The following CCNA1 variants were observed in gnomAD, a reference collection of about 807,000 sequenced individuals.
CCNA1 encodes the protein cyclin A1, also known as cyclin-A1.
In CCNA1, 23 loss-of-function variants were observed where a neutral mutation model predicts 54.1. That is an observed-to-expected ratio of 0.42 (90% CI 0.31 to 0.60). The LOEUF (loss-of-function observed/expected upper bound fraction) is 0.60. CCNA1 is among the 20% of genes least tolerant of loss of function. CCNA1 has a pLI of 0.14. For synonymous variants in CCNA1, 208 were observed against 213.9 expected (o/e 0.97, Z 0.24); for missense variants, 450 against 556.7 (o/e 0.81, Z 1.93).
chr13:36,435,443 T>C (rs2055791602), intron 2 of CCNA1, among the ~76,000 whole-genome samples: 1 of 152,252 alleles, frequency 6.6e-6, no homozygotes, highest in Non-Finnish European at 1.5e-5. Flanking sequence ...ACTCAATTCA[T>C]AGTCTTTTCC....
Position 36,433,225 on chromosome 13 carries a change from A to G in CCNA1, c.297+4A>G, listed in dbSNP as rs1566169223. ...GTACAGGAGGACCTGTGGCCAGGTA[A>G]TGACTCAGACGCATTGAGAATGATG... is the stretch of plus-strand genomic sequence containing the variant. On this transcript the variant is annotated splice_donor_region_variant and intron_variant, in intron 2 of 8. Transcript: ENST00000255465. 1.2e-6 allele frequency: 2 copies of G among 1,608,742 alleles called. No homozygotes were observed. Among genetic ancestry groups the G allele is most frequent in the Non-Finnish European group, 1.7e-6 (2 of 1,177,390 alleles).
chr13:36,432,903 A>C (rs4245378), intron 1 of CCNA1, 130 bp from the exon 2 acceptor site: 10 of 1,013,852 alleles, frequency 9.9e-6, no homozygotes, highest in Non-Finnish European at 1.5e-5. Context: ...CCCAATAATT[A>C]CTGGGAAGAT....
In CCNA1 at chr13:36,432,654, T is replaced by G. The variant is rs1461851863; in HGVS notation, c.33T>G (p.Pro11=). 1.9e-6 allele frequency: 3 copies of G among 1,608,928 alleles called. No individual in the cohort carries two copies. Among genetic ancestry groups the G allele is most frequent in the Non-Finnish European group, 2.5e-6 (3 of 1,177,842 alleles). ...CCGGCTTTCCCGCAATCATGTACCC[T>G]GGATCTTTTATTGGGGGCTGGGGAG... Residue 11 remains proline (P), a synonymous_variant, in exon 1 of 9, where the codon CCT becomes CCG. Coordinates refer to ENST00000255465, the MANE Select transcript of CCNA1 (RefSeq NM_003914.4).
At position 36,433,151 on chromosome 13, in the gene CCNA1, A is replaced by G. The variant is rs754232617; in HGVS notation, c.227A>G (p.Gln76Arg). The change falls in exon 2 of 9, where the codon CAG (glutamine) becomes CGG (arginine). Residue 76 changes from glutamine to arginine, a missense_variant. By Grantham distance (43) the Gln-to-Arg change is conservative (BLOSUM62 1). Coordinates refer to ENST00000255465, the MANE Select transcript of CCNA1 (RefSeq NM_003914.4). Reference sequence around the variant, plus strand: ...ATACTCACCAGAGCCCCGCTGGGCCAGGATCCCCCGCAGAGGACAGTGCTA... The same window carrying G: ...ATACTCACCAGAGCCCCGCTGGGCCGGGATCCCCCGCAGAGGACAGTGCTA... The G allele has an allele frequency of 2.5e-6, 4 of 1,614,196 alleles. No individual in the cohort carries two copies. In the South Asian group the frequency reaches 4.4e-5, roughly 18 times the overall value.
intron 2 of CCNA1, 148 bp downstream of exon 2, chr13:36,433,369 ATTTTCT>A (rs1405706316): frequency 2.9e-6 from 1 of 339,424 alleles, no homozygotes; most frequent in African/African-American, 2.6e-5. Flanking sequence ...TGATTGATTT[ATTTTCT>A]TTCTTTCTTT....
chr13:36,432,523 G>C lies in CCNA1; in HGVS notation c.-99G>C. On this transcript the variant is annotated 5_prime_UTR_variant, in exon 1 of 9. Coordinates refer to ENST00000255465, the MANE Select transcript of CCNA1 (RefSeq NM_003914.4). ...TGTTCCGGACACATAGAAAGATAAC[G>C]ACGGGAAGAGCGGGGCCCGCTTTGG... 1.7e-6 allele frequency: 1 copy of C among 596,996 alleles called. No individual in the cohort carries two copies. Among genetic ancestry groups the C allele is most frequent in the East Asian group, 3.5e-5 (1 of 28,300 alleles). 37.0% of individuals were successfully genotyped at this position (596,996 alleles called of 1,614,324 possible). A position where few individuals can be genotyped will look rare whatever the true frequency, so the allele number is the denominator to read the frequency against.
intron 2 of CCNA1, among the ~76,000 whole-genome samples, chr13:36,434,513 A>C (rs527843536): frequency 5.1e-4 from 78 of 152,234 alleles, no homozygotes; most frequent in African/African-American, 1.8e-3. Flanking sequence ...ATGAATTGTC[A>C]GTTGTGCCTG....
At position 36,442,312 on chromosome 13, in the gene CCNA1, A is replaced by G; in HGVS notation, c.1346+8A>G. On this transcript the variant is annotated splice_region_variant and intron_variant, in intron 8 of 8. Coordinates refer to ENST00000255465, the MANE Select transcript of CCNA1 (RefSeq NM_003914.4). ...GAAGTACAAGGCTTCAAAGTAAGTC[A>G]CTGACATTTTCATATCTTAGCTCTC... 6.2e-7 allele frequency: 1 copy of G among 1,613,196 alleles called. No individual in the cohort carries two copies. The highest frequency in any genetic ancestry group is 1.3e-5 in the African/African-American group (1 of 75,028).
chr13:36,433,374 C>CTT (rs1237905066), intron 2 of CCNA1, among the ~76,000 whole-genome samples, 153 bp downstream of exon 2: 1 of 13,104 alleles, frequency 7.6e-5, no homozygotes, highest in Non-Finnish European at 1.4e-4. Context: ...GATTTATTTT[C>CTT]TTTCTTTCTT....
In CCNA1 at chr13:36,438,726, T is replaced by A. The variant is rs757758557; in HGVS notation, c.752T>A (p.Leu251Gln). ...ATGCGCACGATTCTGGTGGACTGGC[T>A]GGTGGAGGTTGGGGAAGAATATAAA... Residue 251 changes from leucine to glutamine, a missense_variant, in exon 5 of 9, where the codon CTG becomes CAG. This residue lies in a region of CCNA1 where 150 missense variants were observed against 219.7 expected (regional missense o/e 0.68). Transcript: ENST00000255465. 5 of 1,614,062 alleles carry A rather than the reference T, an allele frequency of 3.1e-6. No homozygotes were observed. Among genetic ancestry groups the A allele is most frequent in the Admixed American group, 1.7e-5 (1 of 59,990 alleles).
chr13:36,440,282 T>C lies in CCNA1; in HGVS notation c.1098+99T>C, dbSNP rs531119740. 464 of 1,087,654 alleles carry C rather than the reference T, an allele frequency of 4.3e-4. 1 individual carries two copies. The African/African-American group carries it at 6.7e-3, about 16-fold the overall frequency. 67.4% of individuals were successfully genotyped at this position (1,087,654 alleles called of 1,614,324 possible). A position where few individuals can be genotyped will look rare whatever the true frequency, so the allele number is the denominator to read the frequency against. On this transcript the variant is annotated intron_variant, in intron 6 of 8. Coordinates refer to ENST00000255465, the MANE Select transcript of CCNA1 (RefSeq NM_003914.4). ...TCAGTTCTTTTTTCCTTTTCAGTTT[T>C]CTTCCCACAGGCCCAGAAAAACTGT...
In CCNA1 at chr13:36,442,723, G is replaced by A. The variant is rs551830455; in HGVS notation, c.*58G>A. The A allele has an allele frequency of 4.4e-5, 60 of 1,372,142 alleles. No individual in the cohort carries two copies. Among genetic ancestry groups the A allele is most frequent in the South Asian group, 4.1e-4 (35 of 85,160 alleles). The allele number at this position is 1,372,142 out of a possible 1,614,324, so 85.0% of individuals were successfully genotyped here. On this transcript the variant is annotated 3_prime_UTR_variant, in exon 9 of 9. Transcript: ENST00000255465. ...CTCCATATCAGAAGTGCCAATAATCGTCATAGGCTTCTGCACGTTGGATCA... is the reference window on the plus strand; with the variant it reads ...CTCCATATCAGAAGTGCCAATAATCATCATAGGCTTCTGCACGTTGGATCA...
In CCNA1 at chr13:36,433,074, C is replaced by T. The variant is rs151081377; in HGVS notation, c.150C>T (p.Pro50=). 2.1e-5 allele frequency: 34 copies of T among 1,614,002 alleles called. No individual in the cohort carries two copies. Among genetic ancestry groups the T allele is most frequent in the African/African-American group, 2.7e-5 (2 of 74,936 alleles). ...CTGAAGCAATGCACTGCAGCAACCC[C>T]AAGAGTGGAGTTGTGCTGGCTACAG... Residue 50 remains proline, a synonymous_variant, in exon 2 of 9, where the codon CCC becomes CCT. Transcript: ENST00000255465.
chr13:36,433,161 G>A lies in CCNA1; in HGVS notation c.237G>A (p.Pro79=), dbSNP rs758844418. The stretch of plus-strand genomic sequence containing the variant: ...GAGCCCCGCTGGGCCAGGATCCCCC[G>A]CAGAGGACAGTGCTAGGGCTGCTAA... Residue 79 remains proline (P), a synonymous_variant, in exon 2 of 9, where the codon CCG becomes CCA. Transcript: ENST00000255465. The A allele has an allele frequency of 1.7e-5, 27 of 1,614,042 alleles. No individual in the cohort carries two copies. The South Asian group carries it at 2.6e-4, about 16-fold the overall frequency.
chr13:36,436,064 C>G (rs148040137), intron 2 of CCNA1, among the ~76,000 whole-genome samples: 30 of 152,260 alleles, frequency 2.0e-4, no homozygotes, highest in African/African-American at 6.5e-4. Context: ...GTTCAAATCC[C>G]TATTGTGTCT....
At chr13:36,433,850 C>A (rs1421394550) in intron 2 of CCNA1, among the ~76,000 whole-genome samples, 1 of 152,076 alleles carries the variant, frequency 6.6e-6, no homozygotes, top group Non-Finnish European at 1.5e-5. Flanking sequence ...CAGTTGATTT[C>A]TTAAGATCAC....
At chr13:36,432,438 C>A, upstream of CCNA1, 1 of 394,310 alleles carries the variant, frequency 2.5e-6, no homozygotes, top group South Asian at 2.8e-5. Context: ...CAACCCTGCC[C>A]CGCCCTGCCC....
At position 36,432,731 on chromosome 13, in the gene CCNA1, T is replaced by G; in HGVS notation, c.108+2T>G. ...GGGCTCCCAGATTTCGTCTTCCAGG[T>G]AACGTGGGTTTAGTATCCCGACTTG... is the stretch of plus-strand genomic sequence containing the variant. On this transcript the variant is annotated splice_donor_variant, in intron 1 of 8. Coordinates refer to ENST00000255465, the MANE Select transcript of CCNA1 (RefSeq NM_003914.4). LOFTEE classifies it high-confidence loss of function. The G allele has an allele frequency of 6.3e-7, 1 of 1,590,238 alleles. No individual in the cohort carries two copies. The highest frequency in any genetic ancestry group is 2.2e-5 in the East Asian group (1 of 44,748).
intron 2 of CCNA1, among the ~76,000 whole-genome samples, chr13:36,435,343 C>T (rs1038226289): frequency 1.3e-5 from 2 of 152,206 alleles, no homozygotes; most frequent in African/African-American, 4.8e-5. Flanking sequence ...GTGTCCATTA[C>T]TTTGAACAGA....
Sources: gnomAD v4.1 joint callset for allele counts (sites outside exome capture counted in the v4.1 genomes callset) on GRCh38, gnomAD v4.1.1 for gene constraint, gnomAD v4.1.1 regional missense constraint, MANE v1.5 for transcripts, NCBI Gene and HGNC (gene_info 2026-07-23, HGNC 2026-07-21) for gene names.